GTF2F2: variants seen among roughly 807,000 people sequenced by gnomAD.
The protein encoded by GTF2F2 is general transcription factor IIF subunit 2, also known as ATP-dependent helicase GTF2F2.
A neutral mutation model predicts 42.2 loss-of-function variants in GTF2F2; 23 were observed. The observed-to-expected ratio is 0.55, with a 90% CI of 0.39 to 0.77. The LOEUF (loss-of-function observed/expected upper bound fraction) is 0.77. Ranked by LOEUF, GTF2F2 falls within the 30% of genes least tolerant of loss-of-function variation. The pLI is 0.00. For missense variants in GTF2F2, 261 were observed against 287.2 expected (o/e 0.91, Z 0.66); for synonymous variants, 105 against 100.8 (o/e 1.04, Z -0.25).
intron 2 of GTF2F2, 84 bp from the exon 3 acceptor site, chr13:45,149,686 A>C: frequency 7.8e-7 from 1 of 1,278,046 alleles, no homozygotes; most frequent in Non-Finnish European, 1.0e-6. Context: ...TGTAAATATG[A>C]AGTTTTTTTT....
intron 4 of GTF2F2, among the ~76,000 whole-genome samples, chr13:45,162,378 C>A (rs1023941968): frequency 6.6e-6 from 1 of 152,184 alleles, no homozygotes; most frequent in Admixed American, 6.5e-5. Flanking sequence ...TGAGTAACAG[C>A]CTTGCCACTG....
chr13:45,244,827 T>C (rs1875505456), intron 5 of GTF2F2, among the ~76,000 whole-genome samples: 1 of 152,172 alleles, frequency 6.6e-6, no homozygotes, highest in African/African-American at 2.4e-5. Context: ...TGAGCCACCA[T>C]GCCTGGCTAA....
intron 6 of GTF2F2, among the ~76,000 whole-genome samples, chr13:45,255,166 C>CA (rs55795620): frequency 0.02 from 1,532 of 75,324 alleles, 36 homozygotes; most frequent in East Asian, 0.072. Context: ...GACTTTGTCT[C>CA]AAAAAAAAAA....
intron 5 of GTF2F2, among the ~76,000 whole-genome samples, chr13:45,212,061 G>GA (rs1173610686): frequency 6.6e-6 from 1 of 152,112 alleles, no homozygotes; most frequent in South Asian, 2.1e-4. Flanking sequence ...TGTCGTGGAG[G>GA]AAAGGCATAG....
chr13:45,160,368 TG>T (rs1870976699), intron 4 of GTF2F2, among the ~76,000 whole-genome samples: 1 of 152,248 alleles, frequency 6.6e-6, no homozygotes, highest in Non-Finnish European at 1.5e-5. Flanking sequence ...GACATTCTTT[TG>T]CTACTACACT....
chr13:45,189,022 T>A (rs1381521920), intron 4 of GTF2F2, among the ~76,000 whole-genome samples: 1 of 152,016 alleles, frequency 6.6e-6, no homozygotes, highest in African/African-American at 2.4e-5. Context: ...TCATTTACAT[T>A]AGGTACTTCT....
chr13:45,278,816 C>CTTTTTTTTTTTTTTTTTTTTTT (rs1157972776), intron 7 of GTF2F2, among the ~76,000 whole-genome samples: 2 of 62,300 alleles, frequency 3.2e-5, no homozygotes, highest in African/African-American at 7.0e-5. Flanking sequence ...TTTTCTTTTT[C>CTTTTTTTTTTTTTTTTTTTTTT]TTTTTTTTTT....
At chr13:45,204,152 A>G (rs1285684338) in intron 4 of GTF2F2, among the ~76,000 whole-genome samples, 2 of 152,122 alleles carry the variant, frequency 1.3e-5, no homozygotes, top group Non-Finnish European at 2.9e-5. Context: ...TTTTAAGCTT[A>G]TTTTTAATTG....
intron 4 of GTF2F2, chr13:45,193,852 A>C (rs1367189479): frequency 3.7e-6 from 6 of 1,614,032 alleles, no homozygotes. Flanking sequence ...CAGGCTGGTC[A>C]GCAGTCTAAA....
intron 7 of GTF2F2, among the ~76,000 whole-genome samples, chr13:45,280,729 T>C (rs1308971184): frequency 6.6e-6 from 1 of 152,206 alleles, no homozygotes; most frequent in Non-Finnish European, 1.5e-5. Flanking sequence ...CTTCAGACTT[T>C]ATTAATATTT....
chr13:45,122,417 T>G (rs1447654901), intron 1 of GTF2F2, among the ~76,000 whole-genome samples: 2 of 151,994 alleles, frequency 1.3e-5, no homozygotes, highest in African/African-American at 4.8e-5. Flanking sequence ...GGGTGGATCA[T>G]GAGGTCAAGA....
chr13:45,204,174 TTG>T (rs1275048842), intron 4 of GTF2F2, among the ~76,000 whole-genome samples: 3 of 152,186 alleles, frequency 2.0e-5, no homozygotes, highest in African/African-American at 7.2e-5. Flanking sequence ...CAAGTAAAAT[TTG>T]TGTATATTTA....
chr13:45,121,644 GT>G (rs1277544239), intron 1 of GTF2F2, among the ~76,000 whole-genome samples: 1 of 152,160 alleles, frequency 6.6e-6, no homozygotes, highest in Non-Finnish European at 1.5e-5. Flanking sequence ...TATGTTCAAA[GT>G]TGGTTACCTC....
At position 45,191,215 on chromosome 13, in the gene GTF2F2, C is replaced by CAAAAAAAAA. The variant is rs1158010068; in HGVS notation, c.305-16207_305-16199dup. On this transcript the variant is annotated intron_variant, in intron 4 of 7. Transcript: ENST00000340473. ...TGAAACCCCGTCTCTACTAAAAATA[C>CAAAAAAAAA]AAAAAAAAAATATATATATATATAT... Among the ~76,000 whole-genome samples, 18 of 74,862 alleles carry CAAAAAAAAA rather than the reference C, an allele frequency of 2.4e-4. 1 individual carries two copies. Among genetic ancestry groups the CAAAAAAAAA allele is most frequent in the African/African-American group, 8.6e-4 (10 of 11,624 alleles). The allele number at this position is 74,862 out of a possible 152,430, so 49.1% of individuals were successfully genotyped here.
rs193013555 is a variant in GTF2F2, at chr13:45,144,524, G to A, written c.141-5246G>A. Among the ~76,000 whole-genome samples the A allele has an allele frequency of 2.1e-3, 289 of 135,016 alleles. 2 individuals are homozygous for A. The highest frequency in any genetic ancestry group is 7.6e-3 in the African/African-American group (274 of 35,928). 88.6% of individuals were successfully genotyped at this position (135,016 alleles called of 152,430 possible). On this transcript the variant is annotated intron_variant, in intron 2 of 7. Coordinates refer to ENST00000340473, the MANE Select transcript of GTF2F2 (RefSeq NM_004128.3). ...CACCCAGGCTGGAGTGCAGTGGCGC[G>A]ATCTCGGCTTGGGTTCACGCCATTC...
At chr13:45,137,656 G>T (rs1869699513) in intron 2 of GTF2F2, among the ~76,000 whole-genome samples, 1 of 152,290 alleles carries the variant, frequency 6.6e-6, no homozygotes, top group East Asian at 1.9e-4. Context: ...TCACATGATG[G>T]TGAAAGAGTT....
chr13:45,237,686 G>C (rs1875061772), intron 5 of GTF2F2, among the ~76,000 whole-genome samples: 1 of 152,164 alleles, frequency 6.6e-6, no homozygotes, highest in Non-Finnish European at 1.5e-5. Flanking sequence ...CTTGGTTTCA[G>C]ACCTGCCATA....
intron 2 of GTF2F2, among the ~76,000 whole-genome samples, chr13:45,138,264 C>T (rs1471085354): frequency 1.3e-5 from 2 of 152,116 alleles, no homozygotes; most frequent in Non-Finnish European, 2.9e-5. Flanking sequence ...CATTTGGTCT[C>T]ATGGCTTTAA....
intron 4 of GTF2F2, among the ~76,000 whole-genome samples, chr13:45,195,402 G>A (rs556382392): frequency 2.5e-4 from 38 of 152,240 alleles, no homozygotes; most frequent in Non-Finnish European, 4.7e-4. Context: ...GCTGAACAAA[G>A]ACTTGGACAA....
Sources: gnomAD v4.1 joint callset for allele counts (sites outside exome capture counted in the v4.1 genomes callset) on GRCh38, gnomAD v4.1.1 for gene constraint, MANE v1.5 for transcripts, NCBI Gene and HGNC (gene_info 2026-07-23, HGNC 2026-07-21) for gene names.